UBA1: variants seen among roughly 807,000 people sequenced by gnomAD.
UBA1 encodes the protein ubiquitin like modifier activating enzyme 1.
Under a neutral mutation model 84.7 loss-of-function variants are expected in UBA1, and 4 were observed. The observed-to-expected ratio is 0.05, with a 90% CI of 0.02 to 0.11. The LOEUF is 0.11. Ranked by LOEUF, UBA1 falls within the 10% of genes least tolerant of loss-of-function variation. UBA1 has a pLI of 1.00. For synonymous variants in UBA1, 364 were observed against 362.6 expected (o/e 1.00, Z -0.04); for missense variants, 513 against 902.8 (o/e 0.57, Z 5.53).
intron 1 of UBA1, among the ~76,000 whole-genome samples, chrX:47,194,867 C>T (rs1382241839): frequency 1.8e-5 from 2 of 112,259 alleles, no homozygotes; most frequent in Non-Finnish European, 3.8e-5. Context: ...AGCATCTTCC[C>T]CATCAGGCAC....
intron 21 of UBA1, 65 bp downstream of exon 21, chrX:47,212,577 G>T: frequency 1.9e-6 from 2 of 1,027,648 alleles, no homozygotes; most frequent in Non-Finnish European, 2.7e-6. Context: ...GGAGAAAACA[G>T]GAGTATCTGG....
intron 6 of UBA1, 63 bp from the exon 7 acceptor site, chrX:47,201,213 G>A (rs781971960): frequency 8.0e-5 from 81 of 1,016,897 alleles, no homozygotes; most frequent in Non-Finnish European, 1.1e-4. Flanking sequence ...TACATCTTGA[G>A]GGACCCGTGG....
chrX:47,211,280 C>T (rs1317637819), intron 20 of UBA1, 55 bp downstream of exon 20: 20 of 1,148,781 alleles, frequency 1.7e-5, no homozygotes, highest in Non-Finnish European at 2.4e-5. Flanking sequence ...CCGGCCTAGT[C>T]CAGCCTCCCC....
At chrX:47,212,726 C>T in intron 21 of UBA1, 45 bp from the exon 22 acceptor site, 1 of 1,105,408 alleles carries the variant, frequency 9.0e-7, no homozygotes, top group East Asian at 3.0e-5. Context: ...TCTTCTTTAT[C>T]TGATCCTCTC....
intron 13 of UBA1, 61 bp downstream of exon 13, chrX:47,203,275 G>A (rs1936492726): frequency 4.4e-6 from 5 of 1,132,306 alleles, no homozygotes; most frequent in Non-Finnish European, 6.1e-6. Flanking sequence ...CACCCCTGGG[G>A]CTTCCTTCGG....
chrX:47,214,938 G>C lies in UBA1; in HGVS notation c.*9G>C. On this transcript the variant is annotated 3_prime_UTR_variant, in exon 26 of 26. Coordinates refer to ENST00000335972, the MANE Select transcript of UBA1 (RefSeq NM_003334.4). ...GATACACCATCCGCTGACCCCGTCT[G>C]CTCCTCTAGGCTGGCCCCTTGTCCA... The C allele has an allele frequency of 8.3e-7, 1 of 1,208,882 alleles. No homozygotes were observed. Among genetic ancestry groups the C allele is most frequent in the Non-Finnish European group, 1.1e-6 (1 of 895,305 alleles).
At chrX:47,202,580 A>G in intron 10 of UBA1, 58 bp from the exon 11 acceptor site, 2 of 1,205,956 alleles carry the variant, frequency 1.7e-6, no homozygotes, top group Non-Finnish European at 2.2e-6. Context: ...GCGTGTCCAC[A>G]CTCCCTGCCC....
intron 14 of UBA1, chrX:47,205,703 A>T: frequency 2.3e-6 from 1 of 426,954 alleles, no homozygotes. Flanking sequence ...AAAATACAAA[A>T]ATTAGCCACG....
chrX:47,202,333 C>G, intron 9 of UBA1, 25 bp from the exon 10 acceptor site: 1 of 1,208,991 alleles, frequency 8.3e-7, no homozygotes, highest in Non-Finnish European at 1.1e-6. Flanking sequence ...TCTTCTGGTT[C>G]TGATGACCTC....
At chrX:47,197,550 G>A (rs1936246910) in intron 1 of UBA1, 1 of 752,302 alleles carries the variant, frequency 1.3e-6, no homozygotes, top group Non-Finnish European at 1.6e-6. Context: ...GTGAGGGGAA[G>A]TGACGCTGGG....
At chrX:47,197,906 C>G (rs977059415) in intron 1 of UBA1, 2 of 771,479 alleles carry the variant, frequency 2.6e-6, no homozygotes, top group South Asian at 1.0e-4. Flanking sequence ...CAGGAGTACC[C>G]TGAGGACAGA....
upstream of UBA1, among the ~76,000 whole-genome samples, chrX:47,192,781 G>A (rs1936086925): frequency 8.9e-6 from 1 of 112,108 alleles, no homozygotes; most frequent in Non-Finnish European, 1.9e-5. Context: ...AGTAGAGACA[G>A]GGTTTCACCA....
At chrX:47,201,059 G>C in intron 6 of UBA1, 59 bp downstream of exon 6, 1 of 1,040,621 alleles carries the variant, frequency 9.6e-7, no homozygotes, top group East Asian at 3.3e-5. Context: ...ACCAAGCCCA[G>C]GCCAAGACTC....
chrX:47,202,214 C>A lies in UBA1; in HGVS notation c.870C>A (p.Gly290=). 1 of 1,210,056 alleles carries A rather than the reference C, an allele frequency of 8.3e-7. No individual in the cohort carries two copies. The highest frequency in any genetic ancestry group is 1.1e-6 in the Non-Finnish European group (1 of 894,534). Residue 290 remains glycine (G), a synonymous_variant, in exon 9 of 26, where the codon GGC becomes GGA. Transcript: ENST00000335972. ...TSNFSDYIRG[G]IVSQVKVPKK... is the part of the protein sequence containing the mutation. ...ACTTCTCCGACTACATCCGTGGAGG[C>A]ATCGTCAGTCAGGTCAAAGTACCTA...
rs782571022 is a variant in UBA1, at chrX:47,202,995, T to C, written c.1286T>C (p.Leu429Pro). 1 of 1,211,958 alleles carries C rather than the reference T, an allele frequency of 8.3e-7. No individual in the cohort carries two copies. The highest frequency in any genetic ancestry group is 1.1e-6 in the Non-Finnish European group (1 of 895,477). The part of the protein sequence containing the change: ...PIMQWLYFDA[L>P]ECLPEDKEVL... ...ATGCAGTGGCTATACTTTGATGCCC[T>C]TGAGTGTCTCCCTGAGGACAAAGAG... Residue 429 changes from leucine (L) to proline (P), a missense_variant, in exon 12 of 26, where the codon CTT becomes CCT. By Grantham distance (98) the Leu-to-Pro change is moderately conservative. Transcript: ENST00000335972.
intron 5 of UBA1, among the ~76,000 whole-genome samples, chrX:47,200,418 G>A (rs1308552616): frequency 8.9e-6 from 1 of 112,250 alleles, no homozygotes; most frequent in African/African-American, 3.2e-5. Flanking sequence ...AGGTTGCCAG[G>A]GCACTGCAGC....
At position 47,200,886 on chromosome X, in the gene UBA1, C is replaced by T; in HGVS notation, c.481-8C>T. On this transcript the variant is annotated splice_polypyrimidine_tract_variant and splice_region_variant and intron_variant, in intron 5 of 25. Transcript: ENST00000335972. ...CAATGCTGGGCCTGAGCCTCCATCT[C>T]TCCACAGGTGGTGGTGCTCACCAAC... 2.5e-6 allele frequency: 3 copies of T among 1,182,791 alleles called. No homozygotes were observed. Among genetic ancestry groups the T allele is most frequent in the East Asian group, 6.2e-5 (2 of 32,294 alleles).
At chrX:47,195,163 GT>G (rs1936156637) in intron 1 of UBA1, among the ~76,000 whole-genome samples, 1 of 112,058 alleles carries the variant, frequency 8.9e-6, no homozygotes, top group African/African-American at 3.2e-5. Context: ...GCAGTCAGGG[GT>G]TTTCAGCTTC....
chrX:47,205,305 C>A (rs1438863294), intron 14 of UBA1: 1 of 281,589 alleles, frequency 3.6e-6, no homozygotes, highest in Non-Finnish European at 7.3e-6. Flanking sequence ...GTGCCAGCAT[C>A]CTGGTGGTGG....
Sources: gnomAD v4.1 joint callset for allele counts (sites outside exome capture counted in the v4.1 genomes callset) on GRCh38, gnomAD v4.1.1 for gene constraint, MANE v1.5 for transcripts, NCBI Gene and HGNC (gene_info 2026-07-23, HGNC 2026-07-21) for gene names.